Variants in CTNNA2 observed in about 807,000 individuals in gnomAD.
The protein encoded by CTNNA2 is catenin alpha-2.
Under a neutral mutation model 101.0 loss-of-function variants are expected in CTNNA2, and 42 were observed. The ratio of observed to expected loss-of-function variants is 0.42; its 90% CI spans 0.32 to 0.54. CTNNA2 has a LOEUF of 0.54. Ranked by LOEUF, CTNNA2 falls within the 20% of genes least tolerant of loss-of-function variation. The probability of loss-of-function intolerance (pLI) is 0.14; values close to 1 mark genes in which losing one functional copy is unlikely to be tolerated. For synonymous variants in CTNNA2, 450 were observed against 456.4 expected (o/e 0.99, Z 0.18); for missense variants, 871 against 1,223.1 (o/e 0.71, Z 4.29).
At chr2:80,644,758 C>T (rs528307581) in intron 18 of CTNNA2, among the ~76,000 whole-genome samples, 29 of 151,988 alleles carry the variant, frequency 1.9e-4, no homozygotes, top group Non-Finnish European at 3.5e-4. Context: ...CTCTCACCTC[C>T]TCACTTTACC....
chr2:80,514,011 CTCTT>C (rs778236884), intron 9 of CTNNA2, among the ~76,000 whole-genome samples: 16 of 152,190 alleles, frequency 1.1e-4, no homozygotes, highest in Non-Finnish European at 1.9e-4. Context: ...TTGAACGTCT[CTCTT>C]TCTCATAATC....
chr2:80,101,860 C>T (rs566098300), intron 7 of CTNNA2, among the ~76,000 whole-genome samples: 3 of 152,268 alleles, frequency 2.0e-5, no homozygotes, highest in African/African-American at 7.2e-5. Context: ...GGTTCACTTC[C>T]TCTTCACCAG....
intron 1 of CTNNA2, among the ~76,000 whole-genome samples, chr2:79,564,116 G>A (rs1212585399): frequency 1.3e-5 from 2 of 152,074 alleles, no homozygotes; most frequent in Non-Finnish European, 2.9e-5. Context: ...ACCAAAATAG[G>A]AATGCAGCTG....
At chr2:79,399,815 T>G (rs548286874) in intron 4 of CTNNA2, among the ~76,000 whole-genome samples, 1 of 151,934 alleles carries the variant, frequency 6.6e-6, no homozygotes, top group African/African-American at 2.4e-5. Flanking sequence ...ACATTCACTA[T>G]TAGAAATATA....
At chr2:80,209,354 A>G (rs1287900961) in intron 7 of CTNNA2, among the ~76,000 whole-genome samples, 1 of 151,852 alleles carries the variant, frequency 6.6e-6, no homozygotes, top group Non-Finnish European at 1.5e-5. Flanking sequence ...GGTGCACGCC[A>G]CCACACTCAG....
chr2:79,280,586 T>A (rs1371509652), intron 2 of CTNNA2, among the ~76,000 whole-genome samples: 2 of 151,542 alleles, frequency 1.3e-5, no homozygotes, highest in African/African-American at 4.9e-5. Context: ...CACAGGAATA[T>A]TTACTGCTTT....
Position 80,004,798 on chromosome 2 carries a change from G to A in CTNNA2, c.1056+95001G>A, listed in dbSNP as rs1160192972. 3.3e-5 allele frequency among the ~76,000 whole-genome samples: 5 copies of A among 151,866 alleles called. No individual in the cohort carries two copies. In the East Asian group the frequency reaches 9.7e-4, roughly 29 times the overall value. ...GCTCACTGCAACCTCTGCCTCCTGG[G>A]TTCAAGCAATTCTCCTGCTTCAGCC... On this transcript the variant is annotated intron_variant, in intron 7 of 18. Transcript: ENST00000402739.
chr2:80,073,771 C>CACACACAT (rs1553443664), intron 7 of CTNNA2, among the ~76,000 whole-genome samples: 1 of 146,388 alleles, frequency 6.8e-6, no homozygotes, highest in Admixed American at 6.8e-5. Context: ...CACACACACA[C>CACACACAT]TTATAGGATT....
chr2:79,213,235 T>C (rs559813277), intron 2 of CTNNA2, among the ~76,000 whole-genome samples: 1 of 152,330 alleles, frequency 6.6e-6, no homozygotes, highest in South Asian at 2.1e-4. Flanking sequence ...TCCTGAGCGA[T>C]GGGATCTGAT....
chr2:79,773,026 C>T (rs934765476), intron 3 of CTNNA2, among the ~76,000 whole-genome samples: 6 of 152,166 alleles, frequency 3.9e-5, no homozygotes, highest in Non-Finnish European at 1.5e-5. Context: ...AGGATTTTCT[C>T]TCCTATAGGC....
At chr2:80,126,392 G>T (rs2148886799) in intron 7 of CTNNA2, among the ~76,000 whole-genome samples, 1 of 151,760 alleles carries the variant, frequency 6.6e-6, no homozygotes, top group Admixed American at 6.6e-5. Context: ...AATCCTCAAG[G>T]GGAGATCTTC....
At chr2:79,737,608 C>G (rs562398057) in intron 2 of CTNNA2, among the ~76,000 whole-genome samples, 2 of 152,116 alleles carry the variant, frequency 1.3e-5, no homozygotes, top group Non-Finnish European at 2.9e-5. Context: ...TTTAGCGTTT[C>G]TTATATTTTA....
intron 4 of CTNNA2, among the ~76,000 whole-genome samples, chr2:79,494,116 G>C (rs984756961): frequency 6.6e-6 from 1 of 151,970 alleles, no homozygotes; most frequent in African/African-American, 2.4e-5. Context: ...AATTTAACAA[G>C]ACAAGTGCAA....
intron 2 of CTNNA2, among the ~76,000 whole-genome samples, chr2:79,672,018 A>G (rs1042953682): frequency 1.3e-5 from 2 of 152,236 alleles, no homozygotes; most frequent in Admixed American, 1.3e-4. Context: ...TTATAACCTG[A>G]ACAAATACCT....
At chr2:79,595,823 GTGCTGTTTTGCTT>G (rs1677154659) in intron 1 of CTNNA2, among the ~76,000 whole-genome samples, 2 of 151,596 alleles carry the variant, frequency 1.3e-5, no homozygotes, top group Admixed American at 6.6e-5. Flanking sequence ...AACTGATCAT[GTGCTGTTTTGCTT>G]AAACTTTTTA....
intron 9 of CTNNA2, among the ~76,000 whole-genome samples, chr2:80,422,146 T>C (rs892293470): frequency 1.3e-5 from 2 of 152,192 alleles, no homozygotes; most frequent in African/African-American, 4.8e-5. Context: ...GTTACACATA[T>C]GTGGGGAGGC....
At chr2:79,378,945 C>T (rs1264905868) in intron 4 of CTNNA2, among the ~76,000 whole-genome samples, 1 of 152,132 alleles carries the variant, frequency 6.6e-6, no homozygotes, top group Non-Finnish European at 1.5e-5. Context: ...CCTAAGGCAG[C>T]AGGATCGCTC....
chr2:79,850,294 C>A (rs1680581556), intron 3 of CTNNA2, among the ~76,000 whole-genome samples: 1 of 91,348 alleles, frequency 1.1e-5, no homozygotes, highest in Non-Finnish European at 2.0e-5. Context: ...CTTCCTCCCT[C>A]CCTCCCCCCT....
chr2:79,675,638 G>T (rs1195116999), intron 2 of CTNNA2, among the ~76,000 whole-genome samples: 1 of 152,132 alleles, frequency 6.6e-6, no homozygotes, highest in African/African-American at 2.4e-5. Flanking sequence ...GTTGCATTAT[G>T]TAAAACGAGG....
Sources: allele counts gnomAD v4.1 joint callset (sites outside exome capture counted in the v4.1 genomes callset), GRCh38; gene constraint gnomAD v4.1.1; transcripts MANE v1.5; gene names NCBI Gene and HGNC (gene_info 2026-07-23, HGNC 2026-07-21).